The following CPLANE1 variants were observed in gnomAD, a reference collection of about 807,000 sequenced individuals.
CPLANE1 encodes ciliogenesis and planar polarity effector complex subunit 1.
Under a neutral mutation model 362.5 loss-of-function variants are expected in CPLANE1, and 263 were observed. The observed-to-expected ratio is 0.73, with a 90% CI of 0.66 to 0.80. The LOEUF is 0.80. Among genes scored for constraint, CPLANE1 ranks in the 30% least tolerant of loss-of-function variants. The pLI, the probability that CPLANE1 is intolerant of heterozygous loss-of-function variation, is 0.00. For synonymous variants in CPLANE1, 1,212 were observed against 1,302.6 expected (o/e 0.93, Z 1.50); for missense variants, 3,461 against 3,793.4 (o/e 0.91, Z 2.30).
chr5:37,213,722 C>T lies in CPLANE1; in HGVS notation c.2757G>A (p.Lys919=), dbSNP rs2150249318. The T allele has an allele frequency of 2.0e-6, 3 of 1,504,292 alleles. No homozygotes were observed. Among genetic ancestry groups the T allele is most frequent in the South Asian group, 1.3e-5 (1 of 75,770 alleles). The allele number at this position is 1,504,292 out of a possible 1,614,324, so 93.2% of individuals were successfully genotyped here. ...CCACCATTCCACACTCAAAATGAGA[C>T]TTTGCAGCACCTAAGGAATACAGCA... is the stretch of plus-strand genomic sequence containing the variant. The part of the protein sequence containing the change: ...KENKDFSGAA[K]SHFECGMVGG... The change falls in exon 16 of 53, where the codon AAG becomes AAA. Residue 919 remains lysine (K), a synonymous_variant. Transcript: ENST00000651892.
the CPLANE1 span, among the ~76,000 whole-genome samples, chr5:37,100,059 T>C: frequency 1.3e-5 from 2 of 152,002 alleles, no homozygotes; most frequent in Non-Finnish European, 2.9e-5. Context: ...ATTCTGTAGG[T>C]TGTCTGTTCA....
In CPLANE1 at chr5:37,106,713, T is replaced by C. The variant is rs75549748; in HGVS notation, c.*889A>G. The C allele has an allele frequency of 6.6e-3, 2,920 of 440,250 alleles. 89 individuals carry two copies. The highest frequency in any genetic ancestry group is 0.059 in the African/African-American group (2,782 of 46,916). The allele number at this position is 440,250 out of a possible 1,614,324, so 27.3% of individuals were successfully genotyped here. A position where few individuals can be genotyped will look rare whatever the true frequency, so the allele number is the denominator to read the frequency against. On this transcript the variant is annotated 3_prime_UTR_variant, in exon 53 of 53. Coordinates refer to ENST00000651892, the MANE Select transcript of CPLANE1 (RefSeq NM_001384732.1). ...TCTGCATTCAACTTGCTGCAATACA[T>C]GTTGTAAAACCTGGCTTCACACAGG...
At chr5:37,240,800 TTC>T (rs764888240) in intron 6 of CPLANE1, among the ~76,000 whole-genome samples, 6 of 152,028 alleles carry the variant, frequency 3.9e-5, no homozygotes, top group Non-Finnish European at 7.4e-5. Flanking sequence ...AATATCAGAG[TTC>T]TGTTAGTAGA....
At chr5:37,078,424 TGTACA>T in the CPLANE1 span, among the ~76,000 whole-genome samples, 4 of 152,208 alleles carry the variant, frequency 2.6e-5, no homozygotes, top group African/African-American at 7.2e-5. Flanking sequence ...TATATATATG[TGTACA>T]GTATTTTATT....
At chr5:37,211,664 T>C in intron 16 of CPLANE1, 2 of 798,366 alleles carry the variant, frequency 2.5e-6, no homozygotes, top group South Asian at 2.7e-5. Context: ...CCAGTCCTTA[T>C]CCTGACAGAA....
intron 51 of CPLANE1, among the ~76,000 whole-genome samples, chr5:37,109,112 C>T (rs1758402558): frequency 6.6e-6 from 1 of 152,256 alleles, no homozygotes; most frequent in Non-Finnish European, 1.5e-5. Flanking sequence ...CATGTTCTAC[C>T]CTTCGAGGTG....
intron 21 of CPLANE1, among the ~76,000 whole-genome samples, chr5:37,192,732 C>T (rs1785936199): frequency 6.6e-6 from 1 of 150,964 alleles, no homozygotes; most frequent in Non-Finnish European, 1.5e-5. Context: ...GGTGTGGTGG[C>T]AGGCGCCTGT....
At chr5:37,167,263 T>C in intron 34 of CPLANE1, 50 bp from the exon 35 acceptor site, 3 of 1,424,736 alleles carry the variant, frequency 2.1e-6, no homozygotes, top group Non-Finnish European at 2.9e-6. Flanking sequence ...AACTCAATTA[T>C]GTAATATTTC....
downstream of CPLANE1, among the ~76,000 whole-genome samples, chr5:37,104,567 TC>T (rs1757458058): frequency 6.6e-6 from 1 of 151,388 alleles, no homozygotes; most frequent in South Asian, 2.1e-4. Context: ...ACCACTGCAC[TC>T]CAGCCTGGGT....
In CPLANE1 at chr5:37,226,477, T is replaced by C; in HGVS notation, c.2118A>G (p.Gln706=). The part of the protein sequence containing the change: ...ADNLNGVYIL[Q]PEVISASADG... ...CAGCTGATGCTGAAATAACTTCAGGTTGAAGAATGTATACACCATTTAAAT... is the reference window on the plus strand; with the variant it reads ...CAGCTGATGCTGAAATAACTTCAGGCTGAAGAATGTATACACCATTTAAAT... Residue 706 remains glutamine, a synonymous_variant, in exon 12 of 53, where the codon CAA becomes CAG. Coordinates refer to ENST00000651892, the MANE Select transcript of CPLANE1 (RefSeq NM_001384732.1). 7 of 1,550,810 alleles carry C rather than the reference T, an allele frequency of 4.5e-6. No individual in the cohort carries two copies. The highest frequency in any genetic ancestry group is 2.4e-5 in the East Asian group (1 of 40,842).
intron 42 of CPLANE1, 52 bp from the exon 43 acceptor site, chr5:37,148,320 A>C: frequency 1.5e-6 from 2 of 1,314,116 alleles, no homozygotes; most frequent in Non-Finnish European, 2.1e-6. Flanking sequence ...GATAATTTCA[A>C]AATAACAAAC....
intron 21 of CPLANE1, among the ~76,000 whole-genome samples, chr5:37,193,572 T>C (rs1197987275): frequency 1.3e-5 from 2 of 151,452 alleles, no homozygotes; most frequent in African/African-American, 4.9e-5. Flanking sequence ...GGAGAATCAC[T>C]TGAACCCAGG....
Position 37,179,369 on chromosome 5 carries a change from A to T in CPLANE1, c.5812T>A (p.Leu1938Ile). 1 of 1,602,226 alleles carries T rather than the reference A, an allele frequency of 6.2e-7. No individual in the cohort carries two copies. The change falls in exon 29 of 53, where the codon TTA becomes ATA. Residue 1938 changes from leucine (L) to isoleucine (I), a missense_variant. By Grantham distance (5) the Leu-to-Ile change is conservative. Around this residue, in one of 2 missense-constraint regions of CPLANE1, gnomAD observed 3,380 missense variants for 3,666.1 expected, o/e 0.92. Coordinates refer to ENST00000651892, the MANE Select transcript of CPLANE1 (RefSeq NM_001384732.1). ...AICMMTLPQQ[L>I]EEEFTEEVQC... ...ACTATTTATTGACTTACTTCTTCTA[A>T]CTGCTGTGGTAAAGTCATCATGCAA... is the stretch of plus-strand genomic sequence containing the variant.
the CPLANE1 span, among the ~76,000 whole-genome samples, chr5:37,091,211 C>G: frequency 6.6e-6 from 1 of 152,134 alleles, no homozygotes; most frequent in South Asian, 2.1e-4. Flanking sequence ...TACACACGTC[C>G]CTGAATTTGG....
intron 16 of CPLANE1, among the ~76,000 whole-genome samples, chr5:37,208,901 T>C (rs903268398): frequency 6.6e-6 from 1 of 151,754 alleles, no homozygotes; most frequent in African/African-American, 2.4e-5. Context: ...TTTATCACTT[T>C]GTTCATTGCA....
At chr5:37,081,384 G>A in the CPLANE1 span, among the ~76,000 whole-genome samples, 1 of 152,078 alleles carries the variant, frequency 6.6e-6, no homozygotes, top group Non-Finnish European at 1.5e-5. Context: ...GTGCAGTGGT[G>A]CGATCTCGGC....
chr5:37,076,126 T>G, the CPLANE1 span, among the ~76,000 whole-genome samples: 2 of 151,564 alleles, frequency 1.3e-5, no homozygotes, highest in African/African-American at 4.9e-5. Context: ...CATGGTGGTG[T>G]TTACCTGTGG....
rs963201794 is a variant in CPLANE1, at chr5:37,177,839, T to C, written c.5821-139A>G. 10 of 674,498 alleles carry C rather than the reference T, an allele frequency of 1.5e-5. No individual in the cohort carries two copies. In the Middle Eastern group the frequency reaches 1.1e-3, roughly 72 times the overall value. The allele number at this position is 674,498 out of a possible 1,614,324, so 41.8% of individuals were successfully genotyped here. A position where few individuals can be genotyped will look rare whatever the true frequency, so the allele number is the denominator to read the frequency against. On this transcript the variant is annotated intron_variant, in intron 29 of 52. Coordinates refer to ENST00000651892, the MANE Select transcript of CPLANE1 (RefSeq NM_001384732.1). Reference sequence around the variant, plus strand: ...GCAAGTGAGAAATCAAACAGTAAAATGTACTCCCAGTCCTGCTCTGACCTA... The same window carrying C: ...GCAAGTGAGAAATCAAACAGTAAAACGTACTCCCAGTCCTGCTCTGACCTA...
the CPLANE1 span, among the ~76,000 whole-genome samples, chr5:37,091,878 C>A: frequency 1.7e-4 from 26 of 152,132 alleles, no homozygotes; most frequent in Non-Finnish European, 3.7e-4. Context: ...CAGCCCCAGA[C>A]GATGAGGCTT....
Sources: gnomAD v4.1 joint callset for allele counts (sites outside exome capture counted in the v4.1 genomes callset) on GRCh38, gnomAD v4.1.1 for gene constraint, gnomAD v4.1.1 regional missense constraint, MANE v1.5 for transcripts, NCBI Gene and HGNC (gene_info 2026-07-23, HGNC 2026-07-21) for gene names.